BIRC6: variants seen among roughly 807,000 people sequenced by gnomAD.
BIRC6 encodes the protein baculoviral IAP repeat containing 6.
Under a neutral mutation model 503.3 loss-of-function variants are expected in BIRC6, and 98 were observed. The ratio of observed to expected loss-of-function variants is 0.19; its 90% CI spans 0.17 to 0.23. BIRC6 has a LOEUF of 0.23. BIRC6 is among the 10% of genes least tolerant of loss of function. The pLI, the probability that BIRC6 is intolerant of heterozygous loss-of-function variation, is 1.00. For missense variants in BIRC6, 5,360 were observed against 5,806.0 expected (o/e 0.92, Z 2.50); for synonymous variants, 2,240 against 2,078.7 (o/e 1.08, Z -2.11).
chr2:32,494,830 A>C (rs2052251667), intron 45 of BIRC6, among the ~76,000 whole-genome samples: 1 of 152,098 alleles, frequency 6.6e-6, no homozygotes, highest in African/African-American at 2.4e-5. Flanking sequence ...GATTGATTGA[A>C]CCAGTGAGCC....
chr2:32,385,009 A>G (rs1293982362), intron 3 of BIRC6, among the ~76,000 whole-genome samples: 2 of 152,166 alleles, frequency 1.3e-5, no homozygotes, highest in East Asian at 3.9e-4. Flanking sequence ...CTAGCTAACA[A>G]ATTAGCAACT....
rs1039768637 is a variant in BIRC6 at position 32,504,077 on chromosome 2, T to C, written c.9499+841T>C. On this transcript the variant is annotated intron_variant, in intron 49 of 73. Coordinates refer to ENST00000421745, the MANE Select transcript of BIRC6 (RefSeq NM_016252.4). ...GTGTGTGTGTGTGTGTGTGTGTGTG[T>C]TTAGTAGAGATGGGGTTTCACCATG... Among the ~76,000 whole-genome samples, 28 of 145,730 alleles carry C rather than the reference T, an allele frequency of 1.9e-4. No individual in the cohort carries two copies. In the East Asian group the frequency reaches 5.3e-3, roughly 28 times the overall value.
chr2:32,595,713 A>G (rs2061633343), intron 68 of BIRC6, among the ~76,000 whole-genome samples: 1 of 152,216 alleles, frequency 6.6e-6, no homozygotes, highest in South Asian at 2.1e-4. Context: ...CTTGAGAAAC[A>G]ACCTAAAAAT....
chr2:32,575,035 A>G, intron 65 of BIRC6, 121 bp from the exon 66 acceptor site: 1 of 1,015,702 alleles, frequency 9.8e-7, no homozygotes, highest in Non-Finnish European at 1.5e-6. Context: ...GGCCTGAACC[A>G]GCGTGCCCAG....
intron 65 of BIRC6, chr2:32,563,289 T>G (rs751441279): frequency 2.6e-5 from 4 of 152,194 alleles, no homozygotes; most frequent in Non-Finnish European, 4.4e-5. Flanking sequence ...TCAGTATAAA[T>G]TCTGATTTTT....
chr2:32,567,308 T>C (rs868298000), intron 65 of BIRC6, among the ~76,000 whole-genome samples: 57 of 152,216 alleles, frequency 3.7e-4, no homozygotes, highest in South Asian at 2.7e-3. Flanking sequence ...ATGTTTTTCT[T>C]TTGGGGAATC....
At position 32,467,661 on chromosome 2, in the gene BIRC6, G is replaced by A. The variant is rs1259971756; in HGVS notation, c.5493G>A (p.Leu1831=). Residue 1831 remains leucine, a synonymous_variant, in exon 27 of 74, where the codon TTG becomes TTA. Coordinates refer to ENST00000421745, the MANE Select transcript of BIRC6 (RefSeq NM_016252.4). The part of the protein sequence containing the change: ...TLGEEVDGRR[L]VVATDISTHS... The stretch of plus-strand genomic sequence containing the variant: ...GAGAAGAGGTGGATGGAAGGCGGTT[G>A]GTAGTGGCAACTGATATAAGCACTC... 1.2e-6 allele frequency: 2 copies of A among 1,613,852 alleles called. No homozygotes were observed. The highest frequency in any genetic ancestry group is 3.3e-5 in the Admixed American group (2 of 60,020).
At chr2:32,482,650 T>C (rs1342121987) in intron 39 of BIRC6, 68 bp downstream of exon 39, 6 of 1,554,968 alleles carry the variant, frequency 3.9e-6, no homozygotes, top group East Asian at 4.6e-5. Flanking sequence ...ATGTATACTT[T>C]GTCCCTTGAG....
intron 3 of BIRC6, among the ~76,000 whole-genome samples, chr2:32,381,969 T>C (rs759130500): frequency 1.8e-4 from 28 of 152,210 alleles, no homozygotes; most frequent in Non-Finnish European, 3.4e-4. Context: ...GTATTATACC[T>C]TACTCTATTG....
chr2:32,535,064 C>T (rs1475175862), intron 61 of BIRC6, among the ~76,000 whole-genome samples: 1 of 141,880 alleles, frequency 7.0e-6, no homozygotes, highest in Non-Finnish European at 1.5e-5. Context: ...CCCAGCTACT[C>T]AGGAGACTGA....
chr2:32,566,698 T>A (rs990261675), intron 65 of BIRC6, among the ~76,000 whole-genome samples: 27 of 152,186 alleles, frequency 1.8e-4, no homozygotes, highest in Admixed American at 1.3e-3. Flanking sequence ...TATATGCCCA[T>A]TGTAAATATG....
rs200134446 is a variant in BIRC6 at position 32,534,374 on chromosome 2, CA to C, written c.12291+2840del. ...GGGTGACAAGAGTGAAATTCCATCT[CA>C]AAAAAAAAAAAAAAAAGAGACACTG... is the stretch of plus-strand genomic sequence containing the variant. On this transcript the variant is annotated intron_variant, in intron 61 of 73. Transcript: ENST00000421745. 6.7e-3 allele frequency among the ~76,000 whole-genome samples: 623 copies of C among 92,558 alleles called. 4 individuals carry two copies. Among genetic ancestry groups the C allele is most frequent in the African/African-American group, 0.023 (522 of 22,994 alleles). The allele number at this position is 92,558 out of a possible 152,430, so 60.7% of individuals were successfully genotyped here.
intron 22 of BIRC6, among the ~76,000 whole-genome samples, chr2:32,450,415 T>C (rs540533943): frequency 5.1e-4 from 78 of 152,018 alleles, no homozygotes; most frequent in African/African-American, 1.8e-3. Context: ...TGAGCTGAGA[T>C]AGCGTCACTG....
chr2:32,442,586 G>A, intron 19 of BIRC6, 131 bp downstream of exon 19: 1 of 1,106,972 alleles, frequency 9.0e-7, no homozygotes, highest in Non-Finnish European at 1.2e-6. Flanking sequence ...AAAAGTTGAT[G>A]AAGATTGTTG....
At position 32,504,870 on chromosome 2, in the gene BIRC6, A is replaced by G. The variant is rs1331752031; in HGVS notation, c.9500-135A>G. The G allele has an allele frequency of 3.9e-6, 3 of 775,670 alleles. No individual in the cohort carries two copies. In the African/African-American group the frequency reaches 5.3e-5, roughly 14 times the overall value. The allele number at this position is 775,670 out of a possible 1,614,324, so 48.0% of individuals were successfully genotyped here. On this transcript the variant is annotated intron_variant, in intron 49 of 73. Coordinates refer to ENST00000421745, the MANE Select transcript of BIRC6 (RefSeq NM_016252.4). ...ATACCTTTACGGTCATGCTTAGGAT[A>G]CTAAGTGCATTACCAGCATCAATTG... is the stretch of plus-strand genomic sequence containing the variant.
intron 44 of BIRC6, 54 bp downstream of exon 44, chr2:32,491,612 G>A (rs1029302060): frequency 2.8e-5 from 44 of 1,545,968 alleles, no homozygotes; most frequent in Middle Eastern, 3.4e-4. Context: ...AACAGTATTC[G>A]TAATGTAAAG....
intron 5 of BIRC6, among the ~76,000 whole-genome samples, chr2:32,394,984 A>G (rs923537330): frequency 4.6e-5 from 7 of 152,238 alleles, no homozygotes; most frequent in Admixed American, 2.0e-4. Context: ...CCCCATCTCT[A>G]CTAAAAATAC....
At position 32,502,745 on chromosome 2, in the gene BIRC6, C is replaced by T. The variant is rs183153642; in HGVS notation, c.9208-50C>T. On this transcript the variant is annotated intron_variant, in intron 47 of 73. Transcript: ENST00000421745. ...AATATTACATGCATTGAGTTTAGTT[C>T]TTATTCACAGGAATATATAAAGTCA... 9.0e-4 allele frequency: 1,270 copies of T among 1,407,332 alleles called. 7 individuals are homozygous for T. Among genetic ancestry groups the T allele is most frequent in the Middle Eastern group, 5.7e-3 (32 of 5,572 alleles). The allele number at this position is 1,407,332 out of a possible 1,614,324, so 87.2% of individuals were successfully genotyped here.
At chr2:32,446,779 A>C (rs1558748395) in intron 21 of BIRC6, among the ~76,000 whole-genome samples, 2 of 50,016 alleles carry the variant, frequency 4.0e-5, no homozygotes, top group Non-Finnish European at 7.1e-5. Flanking sequence ...TTTATTGATC[A>C]TTCTTGGGTG....
Sources: allele counts gnomAD v4.1 joint callset (sites outside exome capture counted in the v4.1 genomes callset), GRCh38; gene constraint gnomAD v4.1.1; transcripts MANE v1.5; gene names NCBI Gene and HGNC (gene_info 2026-07-23, HGNC 2026-07-21).